Variants in ANXA8 observed in about 807,000 individuals in gnomAD.
ANXA8 encodes annexin A8.
A neutral mutation model predicts 26.8 loss-of-function variants in ANXA8; 9 were observed. That is an observed-to-expected ratio of 0.34 (90% CI 0.20 to 0.59). The LOEUF (loss-of-function observed/expected upper bound fraction) is 0.59, where lower values mean the gene tolerates loss of function less well. ANXA8 is among the 20% of genes least tolerant of loss of function. The pLI, the probability that ANXA8 is intolerant of heterozygous loss-of-function variation, is 0.84. For synonymous variants in ANXA8, 39 were observed against 94.8 expected (o/e 0.41, Z 3.42); for missense variants, 83 against 238.5 (o/e 0.35, Z 4.29).
the ANXA8 span, among the ~76,000 whole-genome samples, chr10:47,731,236 GTGTATGTTTTT>G: frequency 6.6e-6 from 1 of 151,406 alleles, no homozygotes; most frequent in Non-Finnish European, 1.5e-5. Context: ...CTTTTACCCT[GTGTATGTTTTT>G]AAAAATTCCT....
the ANXA8 span, among the ~76,000 whole-genome samples, chr10:47,533,223 A>ACATACACACACC: frequency 7.2e-6 from 1 of 139,072 alleles, no homozygotes. Flanking sequence ...ACACACACAC[A>ACATACACACACC]CCCCCGCAGA....
chr10:47,556,995 T>TTTTC, the ANXA8 span, among the ~76,000 whole-genome samples: 4 of 147,816 alleles, frequency 2.7e-5, no homozygotes, highest in African/African-American at 7.5e-5. Flanking sequence ...ATAATTTTTA[T>TTTTC]TTTCTTTCTT....
the ANXA8 span, among the ~76,000 whole-genome samples, chr10:47,533,218 C>CACACACACAT: frequency 8.9e-6 from 1 of 112,246 alleles, no homozygotes; most frequent in East Asian, 2.9e-4. Context: ...CACACACACA[C>CACACACACAT]ACACACCCCC....
chr10:47,760,790 GGCC>G, the ANXA8 span: 1 of 1,248,022 alleles, frequency 8.0e-7, no homozygotes, highest in African/African-American at 1.6e-5. Flanking sequence ...CACTCACCAA[GGCC>G]GCCGCTGGAG....
chr10:47,680,360 C>T, the ANXA8 span, among the ~76,000 whole-genome samples: 2 of 151,792 alleles, frequency 1.3e-5, no homozygotes, highest in African/African-American at 2.4e-5. Flanking sequence ...TGTGGCCCGG[C>T]GTGGTGGCTC....
chr10:47,664,583 A>G, the ANXA8 span, among the ~76,000 whole-genome samples: 11 of 150,908 alleles, frequency 7.3e-5, no homozygotes, highest in South Asian at 2.3e-3. Flanking sequence ...TAATAATAAT[A>G]ATAATAATAA....
the ANXA8 span, among the ~76,000 whole-genome samples, chr10:47,672,972 G>A: frequency 6.6e-6 from 1 of 151,152 alleles, no homozygotes. Flanking sequence ...TTTCATAGTG[G>A]AGAAGAAACC....
the ANXA8 span, among the ~76,000 whole-genome samples, chr10:47,716,369 AT>A: frequency 2.0e-5 from 2 of 98,914 alleles, no homozygotes; most frequent in Non-Finnish European, 3.8e-5. Context: ...GCAAATACCT[AT>A]TTTTTATTAT....
the ANXA8 span, among the ~76,000 whole-genome samples, chr10:47,743,263 T>TATATATATATAC: frequency 6.7e-4 from 78 of 116,232 alleles, 1 homozygote; most frequent in African/African-American, 2.2e-3. Flanking sequence ...TATATATATA[T>TATATATATATAC]ACATATATAT....
At chr10:47,520,487 A>C in the ANXA8 span, 2 of 1,502,388 alleles carry the variant, frequency 1.3e-6, no homozygotes, top group South Asian at 2.3e-5. Context: ...GGAAAAAACA[A>C]TGTTGTCTCA....
the ANXA8 span, among the ~76,000 whole-genome samples, chr10:47,490,589 C>T: frequency 6.6e-6 from 1 of 151,484 alleles, no homozygotes; most frequent in South Asian, 2.1e-4. Context: ...AATGGCAGTG[C>T]TAGAAGCAAG....
the ANXA8 span, among the ~76,000 whole-genome samples, chr10:47,975,186 T>A: frequency 6.7e-6 from 1 of 149,458 alleles, no homozygotes; most frequent in African/African-American, 2.4e-5. Flanking sequence ...ATCTTTTGAA[T>A]TCATGTCAGC....
At chr10:47,778,678 C>T in the ANXA8 span, among the ~76,000 whole-genome samples, 930 of 151,906 alleles carry the variant, frequency 6.1e-3, 9 homozygotes, top group Non-Finnish European at 0.011. Context: ...ACTTTGAGAA[C>T]CATAAAGGCG....
chr10:47,528,082 GTT>G, the ANXA8 span, among the ~76,000 whole-genome samples: 11 of 127,856 alleles, frequency 8.6e-5, no homozygotes, highest in South Asian at 2.5e-4. Context: ...TTAACAGAAT[GTT>G]TTTTTTTTTT....
the ANXA8 span, among the ~76,000 whole-genome samples, chr10:47,589,907 A>T: frequency 1.7e-5 from 2 of 119,664 alleles, no homozygotes; most frequent in Non-Finnish European, 3.6e-5. Flanking sequence ...GATAGATGAT[A>T]GATAGATAGA....
At chr10:47,950,718 G>A in the ANXA8 span, among the ~76,000 whole-genome samples, 38 of 148,886 alleles carry the variant, frequency 2.6e-4, no homozygotes, top group African/African-American at 9.3e-4. Flanking sequence ...TGAGCAACAT[G>A]CTTTTAAATA....
chr10:47,744,991 T>C, the ANXA8 span, among the ~76,000 whole-genome samples: 1 of 151,980 alleles, frequency 6.6e-6, no homozygotes. Context: ...AAGCTTCCTC[T>C]TGATTCCTCC....
At chr10:47,480,292 TG>T (rs1247585110) in intron 1 of ANXA8, among the ~76,000 whole-genome samples, 3 of 25,762 alleles carry the variant, frequency 1.2e-4, no homozygotes, top group Non-Finnish European at 1.9e-4. Context: ...GTTGGAAGGC[TG>T]AGCATGGTTC....
the ANXA8 span, among the ~76,000 whole-genome samples, chr10:47,552,317 T>C: frequency 1.3e-5 from 2 of 151,266 alleles, no homozygotes; most frequent in African/African-American, 4.9e-5. Context: ...ACTGAAAAAA[T>C]GAATTCTTAA....
Sources: gnomAD v4.1 joint callset for allele counts (sites outside exome capture counted in the v4.1 genomes callset) on GRCh38, gnomAD v4.1.1 for gene constraint, MANE v1.5 for transcripts, NCBI Gene and HGNC (gene_info 2026-07-23, HGNC 2026-07-21) for gene names.